The following IL3RA variants were observed in gnomAD, a reference collection of about 807,000 sequenced individuals.
IL3RA encodes interleukin 3 receptor subunit alpha.
In IL3RA, 73 loss-of-function variants were observed where a neutral mutation model predicts 52.3. The ratio of observed to expected loss-of-function variants is 1.40; its 90% CI spans 1.16 to 1.70. IL3RA has a LOEUF of 1.70. IL3RA is among the 40% of genes most tolerant of loss of function. The pLI, the probability that IL3RA is intolerant of heterozygous loss-of-function variation, is 0.00. For synonymous variants in IL3RA, 260 were observed against 194.0 expected (o/e 1.34, Z -2.83); for missense variants, 664 against 504.4 (o/e 1.32, Z -3.03).
chrX:1,380,586 GGGA>G (rs1283285244), intron 10 of IL3RA, among the ~76,000 whole-genome samples: 2 of 22,162 alleles, frequency 9.0e-5, no homozygotes, highest in African/African-American at 6.6e-4. Context: ...GTGGGGGAGG[GGGA>G]AGGGGGAGGA....
At chrX:1,347,358 G>C (rs2085793042) in intron 3 of IL3RA, among the ~76,000 whole-genome samples, 1 of 151,068 alleles carries the variant, frequency 6.6e-6, no homozygotes, top group African/African-American at 2.5e-5. Flanking sequence ...GCAGGAGAAT[G>C]GCTTGAACCT....
intron 6 of IL3RA, among the ~76,000 whole-genome samples, chrX:1,355,654 G>T (rs1206771943): frequency 3.3e-5 from 5 of 151,508 alleles, no homozygotes; most frequent in Non-Finnish European, 5.9e-5. Flanking sequence ...CCCCTGGGGG[G>T]CGGAGGTGGG....
In IL3RA at chrX:1,345,300, C is replaced by G. The variant is rs762205859; in HGVS notation, c.65-16C>G. On this transcript the variant is annotated splice_polypyrimidine_tract_variant and intron_variant, in intron 2 of 11. Coordinates refer to ENST00000331035, the MANE Select transcript of IL3RA (RefSeq NM_002183.4). The stretch of plus-strand genomic sequence containing the variant: ...TCTTACGTATCTCTTCGAACTCCAA[C>G]CTGTCACCGTTTTAGATCCAAACCC... The G allele has an allele frequency of 1.3e-6, 2 of 1,574,690 alleles. No individual in the cohort carries two copies. Among genetic ancestry groups the G allele is most frequent in the Non-Finnish European group, 1.7e-6 (2 of 1,149,050 alleles).
At position 1,381,010 on chromosome X, in the gene IL3RA, T is replaced by A; in HGVS notation, c.981-13T>A. ...TTTGGGTTCAGAGCTGGGCCATTTC[T>A]CTTTCCTCCGAGGTATCTGGTGATG... On this transcript the variant is annotated splice_polypyrimidine_tract_variant and intron_variant, in intron 10 of 11. Coordinates refer to ENST00000331035, the MANE Select transcript of IL3RA (RefSeq NM_002183.4). The A allele has an allele frequency of 4.3e-6, 7 of 1,613,090 alleles. No individual in the cohort carries two copies. The highest frequency in any genetic ancestry group is 5.9e-6 in the Non-Finnish European group (7 of 1,179,118).
At chrX:1,380,644 A>G in intron 10 of IL3RA, among the ~76,000 whole-genome samples, 3 of 31,740 alleles carry the variant, frequency 9.5e-5, no homozygotes, top group Admixed American at 9.0e-4. Flanking sequence ...GGAGAGGGGG[A>G]GGGGGAGAGG....
chrX:1,342,446 G>A (rs750053103), intron 2 of IL3RA, among the ~76,000 whole-genome samples: 1 of 152,036 alleles, frequency 6.6e-6, no homozygotes, highest in South Asian at 2.1e-4. Context: ...GATTACAGGT[G>A]TGAGCCACAG....
chrX:1,344,235 A>G (rs2085627169), intron 2 of IL3RA, among the ~76,000 whole-genome samples: 1 of 151,882 alleles, frequency 6.6e-6, no homozygotes, highest in Non-Finnish European at 1.5e-5. Flanking sequence ...GGAGTTCGAG[A>G]CCAGCCTGGC....
intron 3 of IL3RA, among the ~76,000 whole-genome samples, chrX:1,346,854 C>T (rs1430152132): frequency 6.0e-5 from 9 of 151,164 alleles, no homozygotes. Context: ...TATGTTCGTT[C>T]AATACAATTC....
rs759682642 is a variant in IL3RA, at chrX:1,382,588, G to A, written c.*123G>A. 6.8e-5 allele frequency: 58 copies of A among 855,550 alleles called. No homozygotes were observed. The African/African-American group carries it at 9.3e-4, about 14-fold the overall frequency. The allele number at this position is 855,550 out of a possible 1,614,324, so 53.0% of individuals were successfully genotyped here. ...AATGGACATTCCTAACGGGTGGTGG[G>A]CATGGGAGATGCCTGTGTAATTTCG... On this transcript the variant is annotated 3_prime_UTR_variant, in exon 12 of 12. Coordinates refer to ENST00000331035, the MANE Select transcript of IL3RA (RefSeq NM_002183.4).
chrX:1,382,488 G>A lies in IL3RA; in HGVS notation c.*23G>A, dbSNP rs375707684. On this transcript the variant is annotated 3_prime_UTR_variant, in exon 12 of 12. Transcript: ENST00000331035. ...TGAGACTGGGGTTCAGGGCTTGTGG[G>A]GGTCTGCCTCAATCTCCCTGGCCGG... 7 of 1,610,378 alleles carry A rather than the reference G, an allele frequency of 4.3e-6. No individual in the cohort carries two copies. Among genetic ancestry groups the A allele is most frequent in the African/African-American group, 2.7e-5 (2 of 74,638 alleles).
intron 2 of IL3RA, among the ~76,000 whole-genome samples, chrX:1,344,171 C>G (rs770919833): frequency 6.6e-6 from 1 of 152,070 alleles, no homozygotes; most frequent in Non-Finnish European, 1.5e-5. Flanking sequence ...CAGTAACTCA[C>G]GTCTGTGATC....
intron 3 of IL3RA, among the ~76,000 whole-genome samples, chrX:1,347,330 G>C (rs2085790087): frequency 6.6e-6 from 1 of 151,180 alleles, no homozygotes; most frequent in Admixed American, 6.6e-5. Context: ...TGTAGTCCCA[G>C]CTACTCGGGA....
At chrX:1,347,367 C>G (rs1449735914) in intron 3 of IL3RA, among the ~76,000 whole-genome samples, 2 of 151,268 alleles carry the variant, frequency 1.3e-5, no homozygotes, top group Non-Finnish European at 2.9e-5. Context: ...TGGCTTGAAC[C>G]TGGGAGGCAG....
At chrX:1,355,311 G>A (rs1475023409) in intron 6 of IL3RA, among the ~76,000 whole-genome samples, 5 of 128,652 alleles carry the variant, frequency 3.9e-5, no homozygotes, top group African/African-American at 1.2e-4. Context: ...AGGAGGGGCA[G>A]GAGGGGAGGA....
chrX:1,350,894 C>A (rs111261628), intron 4 of IL3RA, among the ~76,000 whole-genome samples: 7 of 110,538 alleles, frequency 6.3e-5, no homozygotes, highest in African/African-American at 1.0e-4. Flanking sequence ...GTCTTAAACA[C>A]ACACACAGAT....
intron 1 of IL3RA, among the ~76,000 whole-genome samples, chrX:1,338,783 C>G (rs2085388309): frequency 6.6e-6 from 1 of 151,114 alleles, no homozygotes; most frequent in Admixed American, 6.6e-5. Flanking sequence ...GGGGTCGTGA[C>G]AATGTTCTAG....
Position 1,381,586 on chromosome X carries a change from A to G in IL3RA, c.1062+482A>G, listed in dbSNP as rs2089180257. 2.0e-5 allele frequency among the ~76,000 whole-genome samples: 3 copies of G among 150,090 alleles called. No homozygotes were observed. In the South Asian group the frequency reaches 6.3e-4, roughly 31 times the overall value. On this transcript the variant is annotated intron_variant, in intron 11 of 11. Coordinates refer to ENST00000331035, the MANE Select transcript of IL3RA (RefSeq NM_002183.4). Reference sequence around the variant, plus strand: ...GAGTTTTGCTCTTGTTGCCCAGGCTAGAGTGCAATGGTGCGATCTTGGCTC... The same window carrying G: ...GAGTTTTGCTCTTGTTGCCCAGGCTGGAGTGCAATGGTGCGATCTTGGCTC...
rs150303770 is a variant in IL3RA, at chrX:1,352,459, C to T, written c.569C>T (p.Ala190Val). Reference sequence around the variant, plus strand: ...ATCCTGGTGCGGGGCAGGAGCGCAGCCTTCGGTATCCCCTGCACAGATAAG... The same window carrying T: ...ATCCTGGTGCGGGGCAGGAGCGCAGTCTTCGGTATCCCCTGCACAGATAAG... ...SHILVRGRSA[A>V]FGIPCTDKFV... Residue 190 changes from alanine to valine, a missense_variant, in exon 6 of 12, where the codon GCC (alanine) becomes GTC (valine). Transcript: ENST00000331035. 1.2e-6 allele frequency: 2 copies of T among 1,613,838 alleles called. No homozygotes were observed. The highest frequency in any genetic ancestry group is 2.2e-5 in the South Asian group (2 of 91,080).
rs371524036 is a variant in IL3RA at position 1,368,162 on chromosome X, G to A, written c.874+2910G>A. On this transcript the variant is annotated intron_variant, in intron 9 of 11. Transcript: ENST00000331035. ...TAGTCCCAGCTACTCGGGAGGCTGA[G>A]GCAGGAGAATGGCGTGAACCCGGGA... 1.7e-3 allele frequency among the ~76,000 whole-genome samples: 263 copies of A among 152,298 alleles called. 1 individual carries two copies. Among genetic ancestry groups the A allele is most frequent in the African/African-American group, 6.2e-3 (256 of 41,552 alleles).
Sources: allele counts gnomAD v4.1 joint callset (sites outside exome capture counted in the v4.1 genomes callset), GRCh38; gene constraint gnomAD v4.1.1; transcripts MANE v1.5; gene names NCBI Gene and HGNC (gene_info 2026-07-23, HGNC 2026-07-21).